The following CCDC158 variants were observed in gnomAD, a reference collection of about 807,000 sequenced individuals.
The protein encoded by CCDC158 is coiled-coil domain-containing protein 158.
Under a neutral mutation model 138.6 loss-of-function variants are expected in CCDC158, and 116 were observed. The ratio of observed to expected loss-of-function variants is 0.84; its 90% confidence interval spans 0.72 to 0.98. The LOEUF (loss-of-function observed/expected upper bound fraction) is 0.98, where lower values mean the gene tolerates loss of function less well. CCDC158 is among the 50% of genes least tolerant of loss of function. The pLI is 0.00. For missense variants in CCDC158, 1,265 were observed against 1,306.1 expected, an observed-to-expected ratio of 0.97 and a Z score of 0.48; for synonymous variants, 436 against 442.4, an observed-to-expected ratio of 0.99 and a Z score of 0.18.
In CCDC158 at chr4:76,328,854, G is replaced by C. The variant is rs748164635; in HGVS notation, c.3010+46C>G. 6.7e-6 allele frequency: 10 copies of C among 1,493,354 alleles called. No homozygotes were observed. The African/African-American group carries it at 1.4e-4, about 21-fold the overall frequency. The allele number at this position is 1,493,354 out of a possible 1,614,324, so 92.5% of individuals were successfully genotyped here. A position where few individuals can be genotyped will look rare whatever the true frequency, so the allele number is the denominator to read the frequency against. On this transcript the variant is annotated intron_variant, in intron 22 of 24. Coordinates refer to ENST00000682701, the MANE Select transcript of CCDC158 (RefSeq NM_001394954.1). ...TTTGGCTTTTACCCTCGTGGAAATG[G>C]GGAGACATTGTAGGGCCTATTTCTG...
At chr4:76,407,059 G>A (rs1352337300) in intron 2 of CCDC158, among the ~76,000 whole-genome samples, 1 of 152,100 alleles carries the variant, frequency 6.6e-6, no homozygotes, top group East Asian at 1.9e-4. Flanking sequence ...CAAAATAGAT[G>A]TGGGTGAGGA....
intron 18 of CCDC158, among the ~76,000 whole-genome samples, chr4:76,341,554 T>TA (rs1317250019): frequency 1.3e-5 from 2 of 152,212 alleles, no homozygotes; most frequent in Non-Finnish European, 2.9e-5. Flanking sequence ...TAACAAATTG[T>TA]AGTGCATAGG....
At chr4:76,316,983 T>C (rs1261098540) in intron 24 of CCDC158, among the ~76,000 whole-genome samples, 1 of 141,744 alleles carries the variant, frequency 7.1e-6, no homozygotes, top group Non-Finnish European at 1.5e-5. Context: ...GAATTCTAAA[T>C]CTTGAAATAA....
rs578110335 is a variant in CCDC158, at chr4:76,355,470, G to A, written c.2174-34C>T. The A allele has an allele frequency of 2.2e-6, 3 of 1,366,460 alleles. No individual in the cohort carries two copies. The South Asian group carries it at 3.5e-5, about 16-fold the overall frequency. The allele number at this position is 1,366,460 out of a possible 1,614,324, so 84.6% of individuals were successfully genotyped here. ...AAAAAAGAGGCAAACTATGCCTTAG[G>A]TTCTTAAGTTTGAGAGACTATGGTA... On this transcript the variant is annotated intron_variant, in intron 14 of 24. Coordinates refer to ENST00000682701, the MANE Select transcript of CCDC158 (RefSeq NM_001394954.1).
Position 76,360,737 on chromosome 4 carries a change from T to C in CCDC158, c.2020+1389A>G, listed in dbSNP as rs115736730. ...CTGTACCCTCCATGTATCTTGGAAG[T>C]AATTAACTTGTTTTTTATTTTATAG... is the stretch of plus-strand genomic sequence containing the variant. On this transcript the variant is annotated intron_variant, in intron 13 of 24. Transcript: ENST00000682701. 4.0e-3 allele frequency among the ~76,000 whole-genome samples: 608 copies of C among 152,324 alleles called. 3 individuals are homozygous for C. Among genetic ancestry groups the C allele is most frequent in the African/African-American group, 0.014 (577 of 41,574 alleles).
Position 76,332,494 on chromosome 4 carries a change from G to A in CCDC158, c.2823-3C>T. 1.3e-6 allele frequency: 2 copies of A among 1,596,876 alleles called. No homozygotes were observed. Among genetic ancestry groups the A allele is most frequent in the Non-Finnish European group, 1.7e-6 (2 of 1,170,060 alleles). ...TGCAATCTCTTACCCTATCCTCTCTGTATAGAAAATATAACTCTCAGTTAA... is the reference window on the plus strand; with the variant it reads ...TGCAATCTCTTACCCTATCCTCTCTATATAGAAAATATAACTCTCAGTTAA... On this transcript the variant is annotated splice_polypyrimidine_tract_variant and splice_region_variant and intron_variant, in intron 19 of 24. Transcript: ENST00000682701.
At chr4:76,391,588 C>A (rs1258848578) in intron 4 of CCDC158, among the ~76,000 whole-genome samples, 1 of 151,278 alleles carries the variant, frequency 6.6e-6, no homozygotes, top group Non-Finnish European at 1.5e-5. Flanking sequence ...AGAAAAACTG[C>A]AAATAAACAA....
At position 76,319,557 on chromosome 4, in the gene CCDC158, A is replaced by G. The variant is rs201509089; in HGVS notation, c.3277+3745T>C. On this transcript the variant is annotated intron_variant, in intron 24 of 24. Coordinates refer to ENST00000682701, the MANE Select transcript of CCDC158 (RefSeq NM_001394954.1). ...AAAATCCACAACAAAATATTAGCTA[A>G]CTGAATCCAACACCATATCAAAAAG... is the stretch of plus-strand genomic sequence containing the variant. Among the ~76,000 whole-genome samples the G allele has an allele frequency of 2.1e-4, 30 of 139,704 alleles. No individual in the cohort carries two copies. In the East Asian group the frequency reaches 6.0e-3, roughly 28 times the overall value. 91.7% of individuals were successfully genotyped at this position (139,704 alleles called of 152,430 possible). A position where few individuals can be genotyped will look rare whatever the true frequency, so the allele number is the denominator to read the frequency against.
At position 76,421,076 on chromosome 4, in the gene CCDC158, C is replaced by T. The variant is rs1730086871; in HGVS notation, c.-228G>A. On this transcript the variant is annotated 5_prime_UTR_variant, in exon 1 of 25. Transcript: ENST00000682701. ...GGCTGGGACGGGGCGGCTCCCCACT[C>T]TTCGCCCCTAGGCCCCGCGGAGGCT... Among the ~76,000 whole-genome samples the T allele has an allele frequency of 1.3e-5, 2 of 152,134 alleles. No homozygotes were observed. Among genetic ancestry groups the T allele is most frequent in the East Asian group, 2.0e-4 (1 of 5,120 alleles).
chr4:76,344,849 C>A, intron 18 of CCDC158: 1 of 1,588,334 alleles, frequency 6.3e-7, no homozygotes, highest in South Asian at 1.1e-5. Flanking sequence ...GGTCTATGAC[C>A]AAAGAAGAAT....
intron 24 of CCDC158, among the ~76,000 whole-genome samples, chr4:76,315,977 C>T (rs13116067): frequency 1.8e-4 from 27 of 152,130 alleles, no homozygotes; most frequent in African/African-American, 4.6e-4. Context: ...CCTTGAGTTC[C>T]GGGCTTTTCC....
chr4:76,337,507 G>A (rs947877617), intron 18 of CCDC158, among the ~76,000 whole-genome samples: 10 of 152,122 alleles, frequency 6.6e-5, no homozygotes, highest in African/African-American at 2.4e-4. Flanking sequence ...CAAGGCGGGT[G>A]GATCACCTAG....
chr4:76,319,685 A>C (rs1224751395), intron 24 of CCDC158, among the ~76,000 whole-genome samples: 12 of 151,416 alleles, frequency 7.9e-5, no homozygotes, highest in Non-Finnish European at 4.4e-5. Context: ...AATTGAAAAC[A>C]ATAATCATAT....
intron 3 of CCDC158, chr4:76,401,302 G>A: frequency 2.0e-6 from 1 of 494,530 alleles, no homozygotes; most frequent in South Asian, 1.5e-5. Flanking sequence ...AGTGTGGCAA[G>A]CACCAACTCC....
At chr4:76,339,611 C>T (rs138735849) in intron 18 of CCDC158, among the ~76,000 whole-genome samples, 6 of 152,344 alleles carry the variant, frequency 3.9e-5, no homozygotes, top group African/African-American at 1.4e-4. Context: ...AGCTGCAGAA[C>T]TATTCAAGTC....
rs1723696705 is a variant in CCDC158, at chr4:76,357,535, T to C, written c.2021-9A>G. On this transcript the variant is annotated splice_polypyrimidine_tract_variant and intron_variant, in intron 13 of 24. Coordinates refer to ENST00000682701, the MANE Select transcript of CCDC158 (RefSeq NM_001394954.1). ...TAAGACTTCATACTCCTCTATACAA[T>C]GTGATAATCAATAATAGATGGTTAC... 6.8e-7 allele frequency: 1 copy of C among 1,476,742 alleles called. No homozygotes were observed. The highest frequency in any genetic ancestry group is 9.1e-7 in the Non-Finnish European group (1 of 1,102,406). The allele number at this position is 1,476,742 out of a possible 1,614,324, so 91.5% of individuals were successfully genotyped here.
chr4:76,385,842 C>T (rs2110318478), intron 4 of CCDC158, among the ~76,000 whole-genome samples: 1 of 151,834 alleles, frequency 6.6e-6, no homozygotes, highest in African/African-American at 2.4e-5. Context: ...ATTTCAGAGA[C>T]AAAGAAAAGA....
At chr4:76,324,491 G>A (rs1560783492) in intron 23 of CCDC158, among the ~76,000 whole-genome samples, 2 of 152,078 alleles carry the variant, frequency 1.3e-5, no homozygotes, top group Non-Finnish European at 2.9e-5. Flanking sequence ...CCAGCCAGAA[G>A]TTTTTAACAT....
intron 14 of CCDC158, 52 bp downstream of exon 14, chr4:76,357,322 A>T: frequency 2.3e-6 from 3 of 1,287,798 alleles, no homozygotes; most frequent in Non-Finnish European, 3.1e-6. Flanking sequence ...TAACAAATTT[A>T]GTCCATTAAA....
Sources: allele counts gnomAD v4.1 joint callset (sites outside exome capture counted in the v4.1 genomes callset), GRCh38; gene constraint gnomAD v4.1.1; transcripts MANE v1.5; gene names NCBI Gene and HGNC (gene_info 2026-07-23, HGNC 2026-07-21).